The following CADPS2 variants were observed in gnomAD, a reference collection of about 807,000 sequenced individuals.
CADPS2 encodes the protein calcium dependent secretion activator 2, also known as calcium-dependent secretion activator 2.
In CADPS2, 93 loss-of-function variants were observed where a neutral mutation model predicts 172.5. The ratio of observed to expected loss-of-function variants is 0.54; its 90% CI spans 0.46 to 0.64. The LOEUF (loss-of-function observed/expected upper bound fraction) is 0.64. Among genes scored for constraint, CADPS2 ranks in the 30% least tolerant of loss-of-function variants. The pLI, the probability that CADPS2 is intolerant of heterozygous loss-of-function variation, is 0.00. For missense variants in CADPS2, 1,420 were observed against 1,565.9 expected (o/e 0.91, Z 1.57); for synonymous variants, 546 against 555.2 (o/e 0.98, Z 0.23).
chr7:122,378,004 G>A (rs1195391074), intron 25 of CADPS2, among the ~76,000 whole-genome samples: 1 of 152,084 alleles, frequency 6.6e-6, no homozygotes, highest in African/African-American at 2.4e-5. Context: ...TAACATTCTG[G>A]TGTTTATCCT....
chr7:122,396,745 C>A (rs2045191317), intron 20 of CADPS2, among the ~76,000 whole-genome samples: 1 of 152,120 alleles, frequency 6.6e-6, no homozygotes, highest in Non-Finnish European at 1.5e-5. Context: ...TACTCTCTAC[C>A]CTGGACAGGT....
At chr7:122,473,604 A>C (rs761295856) in intron 13 of CADPS2, among the ~76,000 whole-genome samples, 2 of 152,218 alleles carry the variant, frequency 1.3e-5, no homozygotes, top group Non-Finnish European at 2.9e-5. Flanking sequence ...TCAGTGTCCA[A>C]GAGATTAAAG....
At chr7:122,541,189 TTA>T (rs1239925013) in intron 8 of CADPS2, among the ~76,000 whole-genome samples, 6 of 151,706 alleles carry the variant, frequency 4.0e-5, no homozygotes, top group African/African-American at 1.5e-4. Flanking sequence ...TAAACTGGTA[TTA>T]TGAGATGATT....
intron 1 of CADPS2, among the ~76,000 whole-genome samples, chr7:122,845,481 C>T (rs1486056904): frequency 1.3e-5 from 2 of 152,208 alleles, no homozygotes; most frequent in African/African-American, 4.8e-5. Flanking sequence ...AAAACATCCA[C>T]ACAAGAGAGT....
At chr7:122,501,587 T>C (rs1441032760) in intron 9 of CADPS2, among the ~76,000 whole-genome samples, 1 of 151,908 alleles carries the variant, frequency 6.6e-6, no homozygotes, top group Non-Finnish European at 1.5e-5. Flanking sequence ...TGGTGGTACA[T>C]GCCTGTAATC....
intron 1 of CADPS2, among the ~76,000 whole-genome samples, chr7:122,755,726 G>A (rs1213116869): frequency 6.7e-6 from 1 of 149,940 alleles, no homozygotes. Context: ...AATTTAGAGA[G>A]GCTAAAAAAA....
intron 17 of CADPS2, among the ~76,000 whole-genome samples, chr7:122,423,403 T>G (rs1261463559): frequency 6.6e-6 from 1 of 152,138 alleles, no homozygotes; most frequent in Non-Finnish European, 1.5e-5. Context: ...ACTTTTGGAC[T>G]CAGTACCCTA....
At chr7:122,417,433 T>C (rs1255980832) in intron 17 of CADPS2, among the ~76,000 whole-genome samples, 1 of 152,164 alleles carries the variant, frequency 6.6e-6, no homozygotes, top group Non-Finnish European at 1.5e-5. Context: ...AAACACCAAA[T>C]AGTCAAGTGT....
chr7:122,416,042 A>G lies in CADPS2; in HGVS notation c.2580+19T>C, dbSNP rs755725321. The G allele has an allele frequency of 2.1e-6, 3 of 1,450,620 alleles. No homozygotes were observed. In the South Asian group the frequency reaches 3.9e-5, roughly 19 times the overall value. The allele number at this position is 1,450,620 out of a possible 1,614,324, so 89.9% of individuals were successfully genotyped here. ...AGCCTTACATATAGCTTTATACTAC[A>G]GTGAAAACAGGTCATCACCTCTGCA... On this transcript the variant is annotated intron_variant, in intron 18 of 29. Coordinates refer to ENST00000449022, the MANE Select transcript of CADPS2 (RefSeq NM_017954.11).
intron 1 of CADPS2, among the ~76,000 whole-genome samples, chr7:122,827,813 A>G (rs1029349606): frequency 1.4e-4 from 22 of 152,234 alleles, no homozygotes; most frequent in Admixed American, 8.5e-4. Flanking sequence ...TCATGTCTAT[A>G]ATTGCAAAAC....
At chr7:122,626,309 A>G (rs2076086271) in intron 4 of CADPS2, among the ~76,000 whole-genome samples, 1 of 152,208 alleles carries the variant, frequency 6.6e-6, no homozygotes, top group South Asian at 2.1e-4. Context: ...TCCAGACAAG[A>G]GACAAAGATG....
At chr7:122,729,093 T>C (rs2091393564) in intron 2 of CADPS2, among the ~76,000 whole-genome samples, 1 of 151,806 alleles carries the variant, frequency 6.6e-6, no homozygotes, top group Non-Finnish European at 1.5e-5. Context: ...TCTTAGATTC[T>C]ACATATGAGG....
chr7:122,788,767 C>G (rs1054891992), intron 1 of CADPS2, among the ~76,000 whole-genome samples: 1 of 152,122 alleles, frequency 6.6e-6, no homozygotes, highest in Non-Finnish European at 1.5e-5. Flanking sequence ...TCAAGCAAAG[C>G]TTTATACAAT....
chr7:122,712,923 T>TC (rs1018974313), intron 2 of CADPS2, among the ~76,000 whole-genome samples: 1 of 151,790 alleles, frequency 6.6e-6, no homozygotes, highest in Non-Finnish European at 1.5e-5. Flanking sequence ...CCTCCCAAAG[T>TC]CCCCACCTCC....
chr7:122,836,522 C>A (rs974330364), intron 1 of CADPS2, among the ~76,000 whole-genome samples: 3 of 152,100 alleles, frequency 2.0e-5, no homozygotes, highest in Admixed American at 1.3e-4. Flanking sequence ...AGTGTGCTGT[C>A]TTCAGGAGAC....
chr7:122,516,967 A>C (rs1027119306), intron 8 of CADPS2, among the ~76,000 whole-genome samples: 3 of 151,940 alleles, frequency 2.0e-5, no homozygotes, highest in Non-Finnish European at 2.9e-5. Flanking sequence ...ATAAGTATTG[A>C]CACAGTCATG....
At chr7:122,627,542 C>T (rs1188887899) in intron 4 of CADPS2, among the ~76,000 whole-genome samples, 1 of 152,146 alleles carries the variant, frequency 6.6e-6, no homozygotes, top group East Asian at 1.9e-4. Context: ...TCATCACTAA[C>T]CCTTTCTTCT....
intron 20 of CADPS2, among the ~76,000 whole-genome samples, chr7:122,402,982 T>A (rs2046154847): frequency 6.6e-6 from 1 of 152,230 alleles, no homozygotes. Flanking sequence ...TTCTTTTTCT[T>A]TCAAGGGGTA....
intron 1 of CADPS2, among the ~76,000 whole-genome samples, chr7:122,752,705 G>C (rs1268558910): frequency 6.6e-6 from 1 of 152,000 alleles, no homozygotes; most frequent in Non-Finnish European, 1.5e-5. Context: ...TTATGGTATT[G>C]TCTTCAGAAC....
Sources: allele counts gnomAD v4.1 joint callset (sites outside exome capture counted in the v4.1 genomes callset), GRCh38; gene constraint gnomAD v4.1.1; transcripts MANE v1.5; gene names NCBI Gene and HGNC (gene_info 2026-07-23, HGNC 2026-07-21).